Variants in DSG2 observed in about 807,000 individuals in gnomAD.
DSG2 encodes the protein desmoglein 2.
In DSG2, 45 loss-of-function variants were observed where a neutral mutation model predicts 75.6. That is an observed-to-expected ratio of 0.60 (90% CI 0.47 to 0.76). The LOEUF (loss-of-function observed/expected upper bound fraction) is 0.76. Among genes scored for constraint, DSG2 ranks in the 30% least tolerant of loss-of-function variants. DSG2 has a pLI of 0.00. For synonymous variants in DSG2, 429 were observed against 483.9 expected (o/e 0.89, Z 1.49); for missense variants, 1,267 against 1,357.4 (o/e 0.93, Z 1.05).
intron 9 of DSG2, among the ~76,000 whole-genome samples, chr18:31,534,709 C>T (rs899055770): frequency 6.6e-6 from 1 of 152,090 alleles, no homozygotes; most frequent in Non-Finnish European, 1.5e-5. Context: ...GGGGTTTCAC[C>T]ATGTTGACCA....
chr18:31,535,961 TA>T (rs34648584), intron 10 of DSG2, among the ~76,000 whole-genome samples: 6 of 152,060 alleles, frequency 3.9e-5, no homozygotes, highest in African/African-American at 1.2e-4. Context: ...AATAGATGTC[TA>T]AAAAAATTTT....
intron 13 of DSG2, chr18:31,542,140 A>G (rs1050186498): frequency 9.8e-6 from 3 of 307,416 alleles, no homozygotes; most frequent in East Asian, 1.7e-4. Flanking sequence ...TAGTGGCATC[A>G]GAGGCTTAGA....
rs1402972793 is a variant in DSG2, at chr18:31,548,507, G to A, written c.*1764G>A. On this transcript the variant is annotated 3_prime_UTR_variant, in exon 15 of 15. Coordinates refer to ENST00000261590, the MANE Select transcript of DSG2 (RefSeq NM_001943.5). ...GACATCTAAGTCTGTAGCTTAAATG[G>A]AGGTTACTCTTCCATCATCTAGAAT... The A allele has an allele frequency of 3.9e-5, 6 of 152,156 alleles. No individual in the cohort carries two copies. Among genetic ancestry groups the A allele is most frequent in the Admixed American group, 6.5e-5 (1 of 15,282 alleles). 9.4% of individuals were successfully genotyped at this position (152,156 alleles called of 1,614,324 possible).
rs765606131 is a variant in DSG2, at chr18:31,541,229, A to G, written c.1916A>G (p.Lys639Arg). Residue 639 changes from lysine (K) to arginine (R), a missense_variant, in exon 13 of 15, where the codon AAG (lysine) becomes AGG (arginine). Lys to Arg is a conservative substitution (Grantham distance 26, BLOSUM62 2). Transcript: ENST00000261590. ...TTACTGCTGATGTGCCATTGCGGAA[A>G]GGGCGCCAAAGGCTTTACCCCCATA... ...PLLLLMCHCG[K>R]GAKGFTPIPG... The G allele has an allele frequency of 6.2e-7, 1 of 1,614,202 alleles. No individual in the cohort carries two copies. Among genetic ancestry groups the G allele is most frequent in the Non-Finnish European group, 8.5e-7 (1 of 1,180,020 alleles).
chr18:31,528,635 G>A (rs773640319), intron 8 of DSG2, among the ~76,000 whole-genome samples: 8 of 151,358 alleles, frequency 5.3e-5, no homozygotes, highest in African/African-American at 1.2e-4. Context: ...GCCTGAACCC[G>A]GGAGGCAGAG....
intron 9 of DSG2, among the ~76,000 whole-genome samples, chr18:31,533,867 T>C (rs1180012214): frequency 6.6e-6 from 1 of 152,224 alleles, no homozygotes; most frequent in Non-Finnish European, 1.5e-5. Context: ...CGAAGCCACT[T>C]AATAGAAAAT....
chr18:31,520,677 G>A (rs1211586636), intron 3 of DSG2, 126 bp from the exon 4 acceptor site: 6 of 1,032,772 alleles, frequency 5.8e-6, no homozygotes, highest in Non-Finnish European at 8.5e-6. Context: ...AACTTCAGAA[G>A]GAAATTGTCC....
intron 14 of DSG2, 144 bp downstream of exon 14, chr18:31,542,996 G>A (rs2073280281): frequency 4.4e-6 from 3 of 683,170 alleles, no homozygotes; most frequent in South Asian, 5.2e-5. Flanking sequence ...AATACTTATA[G>A]GCAATAAGGA....
intron 1 of DSG2, among the ~76,000 whole-genome samples, chr18:31,515,024 T>G (rs991227903): frequency 6.6e-6 from 1 of 152,200 alleles, no homozygotes; most frequent in African/African-American, 2.4e-5. Context: ...AAATATTCAG[T>G]GCAGCCAACT....
chr18:31,543,809 T>G (rs1310292918), intron 14 of DSG2, among the ~76,000 whole-genome samples: 1 of 147,460 alleles, frequency 6.8e-6, no homozygotes, highest in Non-Finnish European at 1.5e-5. Context: ...AAGGATGCAG[T>G]GAGCTGTGAT....
chr18:31,542,455 C>A, intron 13 of DSG2, 65 bp from the exon 14 acceptor site: 1 of 1,570,110 alleles, frequency 6.4e-7, no homozygotes, highest in Non-Finnish European at 8.8e-7. Flanking sequence ...TCAGATCCTT[C>A]TACCAAGGAT....
At position 31,538,854 on chromosome 18, in the gene DSG2, C is replaced by T. The variant is rs1273719218; in HGVS notation, c.1755C>T (p.Val585=). 6.2e-7 allele frequency: 1 copy of T among 1,614,158 alleles called. No homozygotes were observed. The highest frequency in any genetic ancestry group is 1.7e-5 in the Admixed American group (1 of 60,026). Residue 585 remains valine, a synonymous_variant, in exon 12 of 15, where the codon GTC becomes GTT. Coordinates refer to ENST00000261590, the MANE Select transcript of DSG2 (RefSeq NM_001943.5). ...GTTTTAGTTGTCCTGAAAAGCAGGT[C>T]CTTACACTCACAGTTTGTGAGTGTC... ...NQGFSCPEKQ[V]LTLTVCECLH...
intron 1 of DSG2, among the ~76,000 whole-genome samples, chr18:31,514,286 A>G (rs1279931787): frequency 6.6e-6 from 1 of 152,244 alleles, no homozygotes; most frequent in Admixed American, 6.5e-5. Context: ...GTAAATCTAA[A>G]ACTATTCCTA....
In DSG2 at chr18:31,521,250, GTC is replaced by G. The variant is rs1195871959; in HGVS notation, c.523+9_523+10del. The stretch of plus-strand genomic sequence containing the variant: ...GAAGAGTTGAGTGCAGCACGTAAGA[GTC>G]TTTTTTTTTTTTTTTAATAAATAAA... On this transcript the variant is annotated splice_region_variant and intron_variant, in intron 5 of 14. Coordinates refer to ENST00000261590, the MANE Select transcript of DSG2 (RefSeq NM_001943.5). The G allele has an allele frequency of 1.3e-6, 2 of 1,587,090 alleles. No individual in the cohort carries two copies. The highest frequency in any genetic ancestry group is 1.4e-5 in the African/African-American group (1 of 73,020).
chr18:31,512,609 A>G (rs1192884144), intron 1 of DSG2, among the ~76,000 whole-genome samples: 1 of 152,256 alleles, frequency 6.6e-6, no homozygotes, highest in South Asian at 2.1e-4. Flanking sequence ...GATAAAACCC[A>G]AAGTCCTCTC....
intron 1 of DSG2, among the ~76,000 whole-genome samples, chr18:31,510,622 G>A (rs1351811962): frequency 6.6e-6 from 1 of 152,102 alleles, no homozygotes; most frequent in Non-Finnish European, 1.5e-5. Flanking sequence ...CAGATACCAG[G>A]AAGTCCAGTT....
chr18:31,526,711 C>T (rs2073165049), intron 8 of DSG2, among the ~76,000 whole-genome samples: 1 of 152,104 alleles, frequency 6.6e-6, no homozygotes. Flanking sequence ...TGTCATGTGC[C>T]ACATACGAAC....
At chr18:31,532,959 A>C (rs1054935143) in intron 9 of DSG2, among the ~76,000 whole-genome samples, 3 of 152,052 alleles carry the variant, frequency 2.0e-5, no homozygotes, top group African/African-American at 7.3e-5. Flanking sequence ...AATACATCAA[A>C]AGATTGTGTG....
intron 14 of DSG2, among the ~76,000 whole-genome samples, chr18:31,544,715 T>C (rs1419532318): frequency 6.6e-6 from 1 of 152,148 alleles, no homozygotes; most frequent in Non-Finnish European, 1.5e-5. Flanking sequence ...ACTATGGATG[T>C]TAGAAATAAA....
Sources: gnomAD v4.1 joint callset for allele counts (sites outside exome capture counted in the v4.1 genomes callset) on GRCh38, gnomAD v4.1.1 for gene constraint, MANE v1.5 for transcripts, NCBI Gene and HGNC (gene_info 2026-07-23, HGNC 2026-07-21) for gene names.